The following FER variants were observed in gnomAD, a reference collection of about 807,000 sequenced individuals.
FER encodes the protein tyrosine-protein kinase Fer.
Under a neutral mutation model 111.0 loss-of-function variants are expected in FER, and 63 were observed. The ratio of observed to expected loss-of-function variants is 0.57; its 90% CI spans 0.46 to 0.70. FER has a LOEUF of 0.70. Among genes scored for constraint, FER ranks in the 30% least tolerant of loss-of-function variants. The pLI is 0.00. For missense variants in FER, 914 were observed against 954.0 expected (o/e 0.96, Z 0.55); for synonymous variants, 327 against 313.9 (o/e 1.04, Z -0.44).
At chr5:109,111,162 A>T (rs1386405412) in intron 17 of FER, among the ~76,000 whole-genome samples, 1 of 152,170 alleles carries the variant, frequency 6.6e-6, no homozygotes, top group Admixed American at 6.6e-5. Context: ...AGTAAAATTA[A>T]ATATGTGTAT....
chr5:108,999,409 T>C (rs1193462460), intron 13 of FER, among the ~76,000 whole-genome samples: 1 of 152,194 alleles, frequency 6.6e-6, no homozygotes. Context: ...ATTTTTAAAA[T>C]TTATGGATGT....
chr5:109,053,187 C>T (rs1163336688), intron 16 of FER, among the ~76,000 whole-genome samples: 1 of 151,994 alleles, frequency 6.6e-6, no homozygotes, highest in African/African-American at 2.4e-5. Flanking sequence ...CATTCGGGAC[C>T]AGCCTGGCCA....
At chr5:108,904,815 T>G (rs1750526781) in intron 10 of FER, among the ~76,000 whole-genome samples, 1 of 152,194 alleles carries the variant, frequency 6.6e-6, no homozygotes, top group Admixed American at 6.5e-5. Flanking sequence ...AATTATAACA[T>G]TAATATTTCA....
At chr5:108,764,990 C>T (rs1253625293) in intron 1 of FER, among the ~76,000 whole-genome samples, 2 of 152,110 alleles carry the variant, frequency 1.3e-5, no homozygotes, top group Non-Finnish European at 2.9e-5. Context: ...TCTTTTGCAT[C>T]ACCCTAGTCC....
At chr5:109,077,378 C>T (rs1040066443) in intron 16 of FER, among the ~76,000 whole-genome samples, 1 of 151,914 alleles carries the variant, frequency 6.6e-6, no homozygotes, top group African/African-American at 2.4e-5. Context: ...AACCAAAAAG[C>T]CTTTAAAAAA....
chr5:109,072,099 C>T (rs1328348175), intron 16 of FER, among the ~76,000 whole-genome samples: 7 of 151,346 alleles, frequency 4.6e-5, no homozygotes, highest in Non-Finnish European at 1.5e-5. Context: ...ATACATTGTA[C>T]TGTTTGATAT....
intron 11 of FER, among the ~76,000 whole-genome samples, chr5:108,951,521 A>G (rs991070717): frequency 6.6e-6 from 1 of 152,190 alleles, no homozygotes; most frequent in Non-Finnish European, 1.5e-5. Context: ...GTGTATTACT[A>G]AACTAGATTT....
At chr5:108,966,710 G>A (rs534264562) in intron 13 of FER, among the ~76,000 whole-genome samples, 18 of 151,866 alleles carry the variant, frequency 1.2e-4, no homozygotes, top group Non-Finnish European at 2.1e-4. Flanking sequence ...CTTTCTATAT[G>A]CATGGACTTT....
intron 9 of FER, 42 bp from the exon 10 acceptor site, chr5:108,897,617 T>G (rs1430011656): frequency 7.1e-7 from 1 of 1,401,704 alleles, no homozygotes; most frequent in African/African-American, 1.5e-5. Context: ...CCTTAATGTC[T>G]TCTTAATGAA....
intron 16 of FER, among the ~76,000 whole-genome samples, chr5:109,057,697 A>C (rs933907198): frequency 1.3e-5 from 2 of 152,206 alleles, no homozygotes; most frequent in Admixed American, 1.3e-4. Flanking sequence ...AAGAACCTGC[A>C]TAGTACCATA....
intron 17 of FER, among the ~76,000 whole-genome samples, chr5:109,150,973 G>GT (rs1364642207): frequency 6.6e-6 from 1 of 152,108 alleles, no homozygotes; most frequent in Non-Finnish European, 1.5e-5. Context: ...TTGGAAATAA[G>GT]TAATGGGCTC....
chr5:109,196,066 A>T lies in FER; in HGVS notation c.*8491A>T, dbSNP rs1469605998. The T allele has an allele frequency of 6.6e-6, 1 of 152,264 alleles. No individual in the cohort carries two copies. Among genetic ancestry groups the T allele is most frequent in the Non-Finnish European group, 1.5e-5 (1 of 68,062 alleles). 9.4% of individuals were successfully genotyped at this position (152,264 alleles called of 1,614,324 possible). ...CCAGATGAAAAAATGGAAGAATAAA[A>T]TCAAGTTGTCAAAGTTCCAGCAACA... On this transcript the variant is annotated 3_prime_UTR_variant, in exon 20 of 20. Coordinates refer to ENST00000281092, the MANE Select transcript of FER (RefSeq NM_005246.4).
chr5:109,176,104 T>C (rs1757661163), intron 17 of FER, among the ~76,000 whole-genome samples: 1 of 151,918 alleles, frequency 6.6e-6, no homozygotes, highest in Non-Finnish European at 1.5e-5. Context: ...GTGGGGAAGT[T>C]TCTTAAGAAA....
At chr5:108,840,264 G>A (rs532857179) in intron 5 of FER, among the ~76,000 whole-genome samples, 11 of 152,036 alleles carry the variant, frequency 7.2e-5, no homozygotes, top group East Asian at 1.9e-4. Context: ...TCTAATATCC[G>A]GTCCATATTC....
At chr5:108,797,253 A>G (rs1170960241) in intron 2 of FER, among the ~76,000 whole-genome samples, 4 of 152,034 alleles carry the variant, frequency 2.6e-5, no homozygotes, top group African/African-American at 9.7e-5. Flanking sequence ...AGGCAGGACA[A>G]CATTCTCTTT....
At chr5:108,911,470 TA>T (rs1470113226) in intron 10 of FER, among the ~76,000 whole-genome samples, 3 of 152,210 alleles carry the variant, frequency 2.0e-5, no homozygotes, top group Non-Finnish European at 4.4e-5. Context: ...CTTTCTAGTT[TA>T]AGTCTCATTT....
At chr5:109,099,069 A>C (rs1747884309) in intron 16 of FER, among the ~76,000 whole-genome samples, 1 of 151,658 alleles carries the variant, frequency 6.6e-6, no homozygotes, top group African/African-American at 2.4e-5. Flanking sequence ...TGGCAAATAA[A>C]ATGCTAATCT....
chr5:109,157,204 A>G (rs1755493511), intron 17 of FER, among the ~76,000 whole-genome samples: 1 of 152,170 alleles, frequency 6.6e-6, no homozygotes, highest in Admixed American at 6.6e-5. Flanking sequence ...AATCAAAAAT[A>G]TATACACAAT....
intron 10 of FER, among the ~76,000 whole-genome samples, chr5:108,906,275 TTAC>T (rs1421227159): frequency 1.3e-5 from 2 of 152,206 alleles, no homozygotes; most frequent in African/African-American, 2.4e-5. Context: ...ATGTGTGTGC[TTAC>T]TTTTTTGCTG....
Sources: allele counts gnomAD v4.1 joint callset (sites outside exome capture counted in the v4.1 genomes callset), GRCh38; gene constraint gnomAD v4.1.1; transcripts MANE v1.5; gene names NCBI Gene and HGNC (gene_info 2026-07-23, HGNC 2026-07-21).